Variants in SFMBT2 observed in about 807,000 individuals in gnomAD.
The protein encoded by SFMBT2 is Scm like with four mbt domains 2, also known as scm-like with four MBT domains protein 2.
In SFMBT2, 38 loss-of-function variants were observed where a neutral mutation model predicts 110.1. That is an observed-to-expected ratio of 0.35 (90% CI 0.27 to 0.45). The LOEUF is 0.45. Ranked by LOEUF, SFMBT2 falls within the 20% of genes least tolerant of loss-of-function variation. The pLI is 1.00. For missense variants in SFMBT2, 1,011 were observed against 1,094.9 expected (o/e 0.92, Z 1.08); for synonymous variants, 425 against 425.4 (o/e 1.00, Z 0.01).
chr10:7,240,070 CATTT>C (rs909534873), intron 9 of SFMBT2, among the ~76,000 whole-genome samples: 2 of 152,010 alleles, frequency 1.3e-5, no homozygotes, highest in East Asian at 1.9e-4. Flanking sequence ...ATAGGTAACA[CATTT>C]ATTTAGATAG....
At chr10:7,399,552 T>G (rs1266778733) in intron 1 of SFMBT2, among the ~76,000 whole-genome samples, 2 of 152,226 alleles carry the variant, frequency 1.3e-5, no homozygotes, top group Non-Finnish European at 2.9e-5. Flanking sequence ...ATTTTATAAA[T>G]TATATCATTT....
At chr10:7,251,951 G>A (rs1412881017) in intron 7 of SFMBT2, among the ~76,000 whole-genome samples, 3 of 152,126 alleles carry the variant, frequency 2.0e-5, no homozygotes, top group Non-Finnish European at 2.9e-5. Flanking sequence ...GACAGCCACG[G>A]GGCTTCTGGT....
At chr10:7,376,921 C>G (rs571869497) in intron 2 of SFMBT2, among the ~76,000 whole-genome samples, 1 of 150,142 alleles carries the variant, frequency 6.7e-6, no homozygotes, top group African/African-American at 2.4e-5. Flanking sequence ...CCTGTAATCC[C>G]AGCACTTGGG....
Position 7,367,932 on chromosome 10 carries a change from C to A in SFMBT2, c.196-43G>T. 1 of 1,596,604 alleles carries A rather than the reference C, an allele frequency of 6.3e-7. No individual in the cohort carries two copies. The highest frequency in any genetic ancestry group is 1.7e-5 in the Admixed American group (1 of 57,812). On this transcript the variant is annotated intron_variant, in intron 3 of 20. Coordinates refer to ENST00000397167, the MANE Select transcript of SFMBT2 (RefSeq NM_001387889.1). This position sits in a 1 kb window ranked among gnomAD's most constrained non-coding sequence, Gnocchi z 6.2. Reference sequence around the variant, plus strand: ...AGAGAAAACCCATTACTACACTAGACACAATACATCCAGAAGATGACAAAA... The same window carrying A: ...AGAGAAAACCCATTACTACACTAGAAACAATACATCCAGAAGATGACAAAA...
chr10:7,186,421 TATATAC>T (rs1838406452), intron 16 of SFMBT2, among the ~76,000 whole-genome samples: 2 of 77,448 alleles, frequency 2.6e-5, no homozygotes, highest in South Asian at 6.9e-4. Flanking sequence ...ATACATACTA[TATATAC>T]ACACACACAC....
At chr10:7,209,425 T>C (rs1403003659) in intron 11 of SFMBT2, among the ~76,000 whole-genome samples, 1 of 152,252 alleles carries the variant, frequency 6.6e-6, no homozygotes, top group Non-Finnish European at 1.5e-5. Context: ...TTCTACTTGT[T>C]TATTTTTATC....
chr10:7,366,741 T>C (rs1226924714), intron 4 of SFMBT2, among the ~76,000 whole-genome samples: 1 of 152,238 alleles, frequency 6.6e-6, no homozygotes, highest in African/African-American at 2.4e-5. Flanking sequence ...AATGCATTTA[T>C]CATGTCCAGC....
intron 11 of SFMBT2, among the ~76,000 whole-genome samples, chr10:7,219,032 T>C (rs1839635929): frequency 6.6e-6 from 1 of 152,248 alleles, no homozygotes; most frequent in African/African-American, 2.4e-5. Context: ...CATGGGCTTT[T>C]AACTTGACCA....
chr10:7,289,293 AC>A (rs1350914382), intron 4 of SFMBT2, among the ~76,000 whole-genome samples: 1 of 152,254 alleles, frequency 6.6e-6, no homozygotes, highest in Non-Finnish European at 1.5e-5. Context: ...GTCTATATCC[AC>A]TACGGGAAGA....
At chr10:7,286,638 T>C (rs1842098973) in intron 4 of SFMBT2, among the ~76,000 whole-genome samples, 1 of 152,212 alleles carries the variant, frequency 6.6e-6, no homozygotes, top group Admixed American at 6.5e-5. Context: ...GTAGGTACTA[T>C]AAGTAATCCA....
rs1846282098 is a variant in SFMBT2 at position 7,408,461 on chromosome 10, C to T, written c.-52+2400G>A. Among the ~76,000 whole-genome samples the T allele has an allele frequency of 6.6e-6, 1 of 152,242 alleles. No homozygotes were observed. Among genetic ancestry groups the T allele is most frequent in the Non-Finnish European group, 1.5e-5 (1 of 68,044 alleles). ...GTTGCTGCGCTAACTACAAACCTGG[C>T]CAACATGTCTTTGTAACCCTATCAT... is the stretch of plus-strand genomic sequence containing the variant. On this transcript the variant is annotated intron_variant, in intron 1 of 20. Transcript: ENST00000397167. This position sits in a 1 kb window ranked among gnomAD's most constrained non-coding sequence, Gnocchi z 5.7.
chr10:7,304,542 G>A (rs1463416212), intron 4 of SFMBT2, among the ~76,000 whole-genome samples: 1 of 152,132 alleles, frequency 6.6e-6, no homozygotes, highest in African/African-American at 2.4e-5. Context: ...TATGTTCCAA[G>A]GGACCTTTAA....
chr10:7,303,649 C>T (rs1295402741), intron 4 of SFMBT2, among the ~76,000 whole-genome samples: 1 of 152,174 alleles, frequency 6.6e-6, no homozygotes, highest in East Asian at 1.9e-4. Context: ...TCCAGTATTT[C>T]AATAACCCCA....
intron 6 of SFMBT2, among the ~76,000 whole-genome samples, chr10:7,279,214 C>T (rs958479103): frequency 9.2e-5 from 14 of 152,198 alleles, no homozygotes; most frequent in Non-Finnish European, 1.6e-4. Context: ...GGGTTGCCTG[C>T]ACGCTGGCCC....
rs776254582 is a variant in SFMBT2, at chr10:7,293,257, T to C, written c.437-7303A>G. On this transcript the variant is annotated intron_variant, in intron 4 of 20. Transcript: ENST00000397167. The surrounding 1 kb of genome is among the most constrained non-coding windows in gnomAD (Gnocchi z 4.6). ...GGGACTACAGGCACGCCCTACCACA[T>C]CCAGCTAATTTTTGTATTTTTAGAA... 2.6e-5 allele frequency among the ~76,000 whole-genome samples: 4 copies of C among 151,902 alleles called. No homozygotes were observed. Among genetic ancestry groups the C allele is most frequent in the Admixed American group, 6.6e-5 (1 of 15,254 alleles).
intron 16 of SFMBT2, among the ~76,000 whole-genome samples, chr10:7,187,921 T>A (rs1838467811): frequency 6.6e-6 from 1 of 152,238 alleles, no homozygotes. Flanking sequence ...CATAGATGAA[T>A]ATTAAAAGTC....
At chr10:7,348,298 G>C in intron 4 of SFMBT2, 1 of 1,529,662 alleles carries the variant, frequency 6.5e-7, no homozygotes, top group Non-Finnish European at 8.8e-7. Flanking sequence ...TAAGAAATAT[G>C]TTGAACAGAA....
chr10:7,271,134 A>C (rs976691190), intron 7 of SFMBT2, among the ~76,000 whole-genome samples: 1 of 151,842 alleles, frequency 6.6e-6, no homozygotes, highest in South Asian at 2.1e-4. Flanking sequence ...AAAATACAAA[A>C]AACATTAGCT....
chr10:7,228,053 T>C lies in SFMBT2; in HGVS notation c.1121-116A>G, dbSNP rs1265095325. 3 of 660,502 alleles carry C rather than the reference T, an allele frequency of 4.5e-6. No individual in the cohort carries two copies. In the African/African-American group the frequency reaches 5.7e-5, roughly 13 times the overall value. 40.9% of individuals were successfully genotyped at this position (660,502 alleles called of 1,614,324 possible). On this transcript the variant is annotated intron_variant, in intron 9 of 20. Coordinates refer to ENST00000397167, the MANE Select transcript of SFMBT2 (RefSeq NM_001387889.1). Reference sequence around the variant, plus strand: ...CCAAAAGATAATGTCCTCTGATGCCTAACAGCACTTCAGATTTCATAAGCT... The same window carrying C: ...CCAAAAGATAATGTCCTCTGATGCCCAACAGCACTTCAGATTTCATAAGCT...
Sources: gnomAD v4.1 joint callset for allele counts (sites outside exome capture counted in the v4.1 genomes callset) on GRCh38, gnomAD v4.1.1 for gene constraint, Gnocchi (gnomAD v3.1) non-coding constraint, MANE v1.5 for transcripts, NCBI Gene and HGNC (gene_info 2026-07-23, HGNC 2026-07-21) for gene names.